TFPT: variants seen among roughly 807,000 people sequenced by gnomAD.
TFPT encodes the protein INO80 complex subunit F.
A neutral mutation model predicts 28.8 loss-of-function variants in TFPT; 27 were observed. That is an observed-to-expected ratio of 0.94 (90% CI 0.69 to 1.29). TFPT has a LOEUF of 1.29. Among genes scored for constraint, TFPT ranks in the 50% most tolerant of loss-of-function variants. The pLI, the probability that TFPT is intolerant of heterozygous loss-of-function variation, is 0.00. For synonymous variants in TFPT, 152 were observed against 142.8 expected (o/e 1.06, Z -0.46); for missense variants, 330 against 338.0 (o/e 0.98, Z 0.19).
At chr19:54,110,006 G>T in intron 3 of TFPT, 45 bp downstream of exon 3, 1 of 1,592,086 alleles carries the variant, frequency 6.3e-7, no homozygotes, top group Non-Finnish European at 8.6e-7. Flanking sequence ...GGGAGCATTT[G>T]GGAGCTGAGG....
intron 5 of TFPT, chr19:54,107,472 C>G (rs1165866139): frequency 2.6e-6 from 1 of 379,814 alleles, no homozygotes; most frequent in Non-Finnish European, 4.8e-6. Flanking sequence ...AGGTCTCAGA[C>G]TCCTGGCCTC....
intron 5 of TFPT, 63 bp downstream of exon 5, chr19:54,107,963 T>A: frequency 6.8e-7 from 1 of 1,473,166 alleles, no homozygotes; most frequent in Non-Finnish European, 9.1e-7. Flanking sequence ...TCCCCCCTCC[T>A]TACCTGCACT....
rs113143704 is a variant in TFPT, at chr19:54,108,624, G to A, written c.354-229C>T. ...AGGCTGAGTTTCCTGCTCTGCAAAC[G>A]ACATGACACCCTCGGCTGGATGTTG... On this transcript the variant is annotated intron_variant, in intron 3 of 5. Coordinates refer to ENST00000391759, the MANE Select transcript of TFPT (RefSeq NM_013342.4). 6.5e-4 allele frequency: 975 copies of A among 1,506,618 alleles called. 4 individuals carry two copies. In the African/African-American group the frequency reaches 0.012, roughly 18 times the overall value. 93.3% of individuals were successfully genotyped at this position (1,506,618 alleles called of 1,614,324 possible). A position where few individuals can be genotyped will look rare whatever the true frequency, so the allele number is the denominator to read the frequency against.
intron 1 of TFPT, among the ~76,000 whole-genome samples, 166 bp from the exon 2 acceptor site, chr19:54,114,866 C>G (rs2073576969): frequency 6.6e-6 from 1 of 152,040 alleles, no homozygotes; most frequent in Non-Finnish European, 1.5e-5. Flanking sequence ...GCCCTCCTCC[C>G]TCAGACCCAG....
At chr19:54,107,993 C>T in intron 5 of TFPT, 33 bp downstream of exon 5, 6 of 1,510,756 alleles carry the variant, frequency 4.0e-6, no homozygotes, top group South Asian at 1.3e-5. Flanking sequence ...TCTGGAGCCC[C>T]AGTCCCTCCC....
At chr19:54,112,276 A>G (rs1467060473) in intron 2 of TFPT, among the ~76,000 whole-genome samples, 1 of 150,474 alleles carries the variant, frequency 6.6e-6, no homozygotes, top group African/African-American at 2.4e-5. Context: ...AAAATCTCAG[A>G]TCTGCCACTG....
Position 54,115,247 on chromosome 19 carries a change from C to T in TFPT, c.23G>A (p.Gly8Glu), listed in dbSNP as rs1239984117. The change falls in exon 1 of 6, where the codon GGG becomes GAG. Residue 8 changes from glycine to glutamate, a missense_variant and splice_region_variant. Coordinates refer to ENST00000391759, the MANE Select transcript of TFPT (RefSeq NM_013342.4). ...TTTTCACAAGGGCTCAGCCACATAC[C>T]CTTCTCTCTGCTCCAATTCCATCTC... MELEQRE[G>E]TMAAVGFEEF... is the part of the protein sequence containing the mutation. 2.5e-6 allele frequency: 4 copies of T among 1,614,128 alleles called. No individual in the cohort carries two copies. The highest frequency in any genetic ancestry group is 3.3e-5 in the Admixed American group (2 of 60,032).
chr19:54,114,746 A>G (rs2073569360), intron 1 of TFPT, 46 bp from the exon 2 acceptor site: 5 of 1,571,264 alleles, frequency 3.2e-6, no homozygotes, highest in African/African-American at 1.4e-5. Context: ...CTGGACCCCC[A>G]GCCCCTTCTC....
At chr19:54,109,939 TCTC>T (rs2073404286) in intron 3 of TFPT, 109 bp downstream of exon 3, 1 of 863,694 alleles carries the variant, frequency 1.2e-6, no homozygotes, top group Non-Finnish European at 1.7e-6. Context: ...ATCTCCGGCT[TCTC>T]CTTGTGGCTT....
chr19:54,109,411 A>G (rs78849580), intron 3 of TFPT, among the ~76,000 whole-genome samples: 76 of 152,324 alleles, frequency 5.0e-4, no homozygotes, highest in Middle Eastern at 3.4e-3. Context: ...GGAAGAGCAC[A>G]TAGCCCTGGG....
rs1157682713 is a variant in TFPT, at chr19:54,109,938, T to C, written c.353+113A>G. 3 of 1,008,914 alleles carry C rather than the reference T, an allele frequency of 3.0e-6. No homozygotes were observed. In the African/African-American group the frequency reaches 6.2e-5, roughly 21 times the overall value. 62.5% of individuals were successfully genotyped at this position (1,008,914 alleles called of 1,614,324 possible). A position where few individuals can be genotyped will look rare whatever the true frequency, so the allele number is the denominator to read the frequency against. The stretch of plus-strand genomic sequence containing the variant: ...TCAGCCCCCGGCCCTCATCTCCGGC[T>C]TCTCCTTGTGGCTTGTGAGGGTTGG... On this transcript the variant is annotated intron_variant, in intron 3 of 5. Transcript: ENST00000391759.
rs1361583109 is a variant in TFPT, at chr19:54,110,129, G to A, written c.283-8C>T. The A allele has an allele frequency of 6.2e-7, 1 of 1,614,104 alleles. No individual in the cohort carries two copies. Among genetic ancestry groups the A allele is most frequent in the African/African-American group, 1.3e-5 (1 of 75,042 alleles). On this transcript the variant is annotated splice_polypyrimidine_tract_variant and splice_region_variant and intron_variant, in intron 2 of 5. Coordinates refer to ENST00000391759, the MANE Select transcript of TFPT (RefSeq NM_013342.4). ...CAGGACCCGCTCGTTCACCTATGGGGTGGGAAACGCCCATCAGCTGGATCC... is the reference window on the plus strand; with the variant it reads ...CAGGACCCGCTCGTTCACCTATGGGATGGGAAACGCCCATCAGCTGGATCC...
intron 2 of TFPT, 73 bp from the exon 3 acceptor site, chr19:54,110,194 G>T: frequency 6.6e-7 from 1 of 1,511,160 alleles, no homozygotes; most frequent in Non-Finnish European, 9.2e-7. Flanking sequence ...GTTTAATGGG[G>T]CACGCACTAA....
At chr19:54,111,497 T>TAAAAAAA (rs11304668) in intron 2 of TFPT, among the ~76,000 whole-genome samples, 1 of 111,092 alleles carries the variant, frequency 9.0e-6, no homozygotes, top group Non-Finnish European at 1.9e-5. Context: ...TCATCTCTAC[T>TAAAAAAA]AAAAAAAAAA....
At position 54,108,509 on chromosome 19, in the gene TFPT, C is replaced by A. The variant is rs774772246; in HGVS notation, c.354-114G>T. On this transcript the variant is annotated intron_variant, in intron 3 of 5. Transcript: ENST00000391759. ...ACTCAACGCCAAAGCTGTCCTGGAG[C>A]CAGACGGTCCTGAGCTCTGGCACTG... 4 of 1,613,316 alleles carry A rather than the reference C, an allele frequency of 2.5e-6. No homozygotes were observed. In the South Asian group the frequency reaches 4.4e-5, roughly 18 times the overall value.
chr19:54,111,163 C>G (rs587649179), intron 2 of TFPT, among the ~76,000 whole-genome samples: 5 of 152,282 alleles, frequency 3.3e-5, no homozygotes, highest in Admixed American at 3.3e-4. Context: ...AGGACTCCAG[C>G]CTAGACATGG....
rs1324166391 is a variant in TFPT, at chr19:54,114,709, C to T, written c.24-9G>A. 2 of 1,609,088 alleles carry T rather than the reference C, an allele frequency of 1.2e-6. No homozygotes were observed. Among genetic ancestry groups the T allele is most frequent in the Non-Finnish European group, 1.7e-6 (2 of 1,178,338 alleles). ...CCACGGCTGCCATGGTCCTGAGAGG[C>T]AGGGAAAGGCTCAGGGGCCCTGGAT... On this transcript the variant is annotated splice_polypyrimidine_tract_variant and intron_variant, in intron 1 of 5. Coordinates refer to ENST00000391759, the MANE Select transcript of TFPT (RefSeq NM_013342.4).
intron 5 of TFPT, chr19:54,107,547 C>CTTTGAAG: frequency 3.4e-6 from 1 of 295,212 alleles, no homozygotes. Context: ...CTGCACCTGG[C>CTTTGAAG]CAGCCTCACA....
rs2073288989 is a variant in TFPT at position 54,107,102 on chromosome 19, C to T, written c.710G>A (p.Gly237Asp). The T allele has an allele frequency of 6.2e-7, 1 of 1,613,662 alleles. No individual in the cohort carries two copies. Among genetic ancestry groups the T allele is most frequent in the African/African-American group, 1.3e-5 (1 of 74,794 alleles). The change falls in exon 6 of 6, where the codon GGT (glycine) becomes GAT (aspartate). Residue 237 changes from glycine (G) to aspartate (D), a missense_variant. Coordinates refer to ENST00000391759, the MANE Select transcript of TFPT (RefSeq NM_013342.4). Reference protein sequence around the residue: ...EALDSSWVSRGPDKLLPYPTL... With the variant: ...EALDSSWVSRDPDKLLPYPTL... ...CGGGTAGGGCAGCAGTTTGTCTGGA[C>T]CCCGAGAAACCCAACTGGAATCCAG...
Sources: allele counts gnomAD v4.1 joint callset (sites outside exome capture counted in the v4.1 genomes callset), GRCh38; gene constraint gnomAD v4.1.1; transcripts MANE v1.5; gene names NCBI Gene and HGNC (gene_info 2026-07-23, HGNC 2026-07-21).